ZNF774: variants seen among roughly 807,000 people sequenced by gnomAD.
ZNF774 encodes the protein zinc finger protein 774.
Under a neutral mutation model 11.1 loss-of-function variants are expected in ZNF774, and 14 were observed. The ratio of observed to expected loss-of-function variants is 1.26; its 90% CI spans 0.83 to 1.97. The LOEUF (loss-of-function observed/expected upper bound fraction) is 1.97, where lower values mean the gene tolerates loss of function less well. ZNF774 is among the 30% of genes most tolerant of loss of function. The probability of loss-of-function intolerance (pLI) is 0.00; values close to 1 mark genes in which losing one functional copy is unlikely to be tolerated. For synonymous variants in ZNF774, 195 were observed against 212.6 expected, an observed-to-expected ratio of 0.92 and a Z score of 0.72; for missense variants, 599 against 587.0, an observed-to-expected ratio of 1.02 and a Z score of -0.21.
intron 1 of ZNF774, among the ~76,000 whole-genome samples, chr15:90,353,713 A>G (rs967661984): frequency 1.4e-4 from 22 of 151,796 alleles, no homozygotes; most frequent in African/African-American, 5.1e-4. Flanking sequence ...CTCCCACTTC[A>G]GCCTCCTGAG....
chr15:90,352,767 C>T (rs1344931778), intron 1 of ZNF774, among the ~76,000 whole-genome samples: 1 of 151,732 alleles, frequency 6.6e-6, no homozygotes, highest in Admixed American at 6.6e-5. Context: ...CGCACTGGAG[C>T]TTCTCACAGT....
chr15:90,353,287 C>T (rs1596227719), intron 1 of ZNF774, among the ~76,000 whole-genome samples: 2 of 152,140 alleles, frequency 1.3e-5, no homozygotes, highest in African/African-American at 4.8e-5. Context: ...ACTCTTATTA[C>T]AATTTTTACT....
intron 2 of ZNF774, among the ~76,000 whole-genome samples, chr15:90,357,955 G>A (rs1002602427): frequency 1.3e-5 from 2 of 151,282 alleles, no homozygotes; most frequent in African/African-American, 2.4e-5. Flanking sequence ...GAGTGCAGTG[G>A]TGTGACCTCG....
At chr15:90,352,447 G>C (rs1022134570) in intron 1 of ZNF774, 36 bp downstream of exon 1, 2 of 152,466 alleles carry the variant, frequency 1.3e-5, no homozygotes, top group East Asian at 1.9e-4. Flanking sequence ...CGGCGGCAGC[G>C]GCGCGCTGCT....
chr15:90,358,832 T>C lies in ZNF774; in HGVS notation c.105-19T>C, dbSNP rs1244487836. Reference sequence around the variant, plus strand: ...GTGATTGGCTCAGACTCACATCCTATGTTTACATTCCTGTGTAGAATTTCC... The same window carrying C: ...GTGATTGGCTCAGACTCACATCCTACGTTTACATTCCTGTGTAGAATTTCC... On this transcript the variant is annotated intron_variant, in intron 2 of 3. Coordinates refer to ENST00000354377, the MANE Select transcript of ZNF774 (RefSeq NM_001004309.3). 3 of 1,606,660 alleles carry C rather than the reference T, an allele frequency of 1.9e-6. No homozygotes were observed. The highest frequency in any genetic ancestry group is 1.7e-5 in the Admixed American group (1 of 59,826).
rs1169236170 is a variant in ZNF774 at position 90,362,241 on chromosome 15, A to G, written c.*958A>G. ...TGACAAGGCCAAATTATCGTAGAGG[A>G]TGTTTGCGGTCTTGTGACTTGGAGG... On this transcript the variant is annotated 3_prime_UTR_variant, in exon 4 of 4. Coordinates refer to ENST00000354377, the MANE Select transcript of ZNF774 (RefSeq NM_001004309.3). 6.4e-6 allele frequency: 2 copies of G among 312,724 alleles called. No individual in the cohort carries two copies. Among genetic ancestry groups the G allele is most frequent in the African/African-American group, 2.1e-5 (1 of 48,060 alleles). The allele number at this position is 312,724 out of a possible 1,614,324, so 19.4% of individuals were successfully genotyped here.
At position 90,360,743 on chromosome 15, in the gene ZNF774, G is replaced by T; in HGVS notation, c.912G>T (p.Ser304=). 6.2e-7 allele frequency: 1 copy of T among 1,614,082 alleles called. No individual in the cohort carries two copies. Among genetic ancestry groups the T allele is most frequent in the Non-Finnish European group, 8.5e-7 (1 of 1,180,006 alleles). Residue 304 remains serine, a synonymous_variant, in exon 4 of 4, where the codon TCG becomes TCT. Coordinates refer to ENST00000354377, the MANE Select transcript of ZNF774 (RefSeq NM_001004309.3). The part of the protein sequence containing the change: ...NDCGESFSQS[S]DLIKHQRTHT... ...GTGGGGAGAGTTTTAGCCAGAGCTCGGATTTGATTAAGCACCAACGAACCC... is the reference window on the plus strand; with the variant it reads ...GTGGGGAGAGTTTTAGCCAGAGCTCTGATTTGATTAAGCACCAACGAACCC...
Position 90,361,091 on chromosome 15 carries a change from C to T in ZNF774, c.1260C>T (p.Thr420=). The T allele has an allele frequency of 2.5e-6, 4 of 1,614,120 alleles. No homozygotes were observed. Among genetic ancestry groups the T allele is most frequent in the African/African-American group, 2.7e-5 (2 of 75,034 alleles). Residue 420 remains threonine, a synonymous_variant, in exon 4 of 4, where the codon ACC becomes ACT. Transcript: ENST00000354377. ...TCAATCAGAGCTCCCACTTTATTAC[C>T]CATCAGCGAATCCACTTAGGAGACA... is the stretch of plus-strand genomic sequence containing the variant. ...KSFNQSSHFI[T]HQRIHLGDRP...
intron 2 of ZNF774, among the ~76,000 whole-genome samples, chr15:90,356,440 G>T (rs746005540): frequency 6.6e-6 from 1 of 151,996 alleles, no homozygotes; most frequent in African/African-American, 2.4e-5. Context: ...CAAGTGATCC[G>T]CTGGCCTTGG....
intron 2 of ZNF774, among the ~76,000 whole-genome samples, chr15:90,357,038 T>A (rs1194874613): frequency 6.6e-6 from 1 of 152,176 alleles, no homozygotes; most frequent in African/African-American, 2.4e-5. Context: ...TTTATCATTT[T>A]CTTAGAATTC....
chr15:90,361,566 CT>C lies in ZNF774; in HGVS notation c.*287del. On this transcript the variant is annotated 3_prime_UTR_variant, in exon 4 of 4. Coordinates refer to ENST00000354377, the MANE Select transcript of ZNF774 (RefSeq NM_001004309.3). ...GTGGCTCACCCCTGTAATCCCAGCACTTTTGGGAGGCCAAGGTGGGTGGATC... is the reference window on the plus strand; with the variant it reads ...GTGGCTCACCCCTGTAATCCCAGCACTTTGGGAGGCCAAGGTGGGTGGATC... 1.8e-6 allele frequency: 2 copies of C among 1,105,260 alleles called. No homozygotes were observed. The highest frequency in any genetic ancestry group is 2.2e-6 in the Non-Finnish European group (2 of 902,082). The allele number at this position is 1,105,260 out of a possible 1,614,324, so 68.5% of individuals were successfully genotyped here.
chr15:90,361,292 C>T lies in ZNF774; in HGVS notation c.*9C>T. 9 of 1,582,064 alleles carry T rather than the reference C, an allele frequency of 5.7e-6. No individual in the cohort carries two copies. Among genetic ancestry groups the T allele is most frequent in the Non-Finnish European group, 7.7e-6 (9 of 1,163,172 alleles). On this transcript the variant is annotated 3_prime_UTR_variant, in exon 4 of 4. Transcript: ENST00000354377. ...ACACCCATTTGATTTAGGAAGTAGT[C>T]TTTGGTGTTCAGCTGCTCCCTTGCA...
chr15:90,362,380 C>T lies in ZNF774; in HGVS notation c.*1097C>T. ...CCTACAATGAACAAGCCAGAGGGACCTGGTAGAGGACTATAAAATTGTGGA... is the reference window on the plus strand; with the variant it reads ...CCTACAATGAACAAGCCAGAGGGACTTGGTAGAGGACTATAAAATTGTGGA... On this transcript the variant is annotated 3_prime_UTR_variant, in exon 4 of 4. Coordinates refer to ENST00000354377, the MANE Select transcript of ZNF774 (RefSeq NM_001004309.3). The T allele has an allele frequency of 1.6e-6, 1 of 623,678 alleles. No individual in the cohort carries two copies. The highest frequency in any genetic ancestry group is 1.9e-5 in the South Asian group (1 of 51,740). The allele number at this position is 623,678 out of a possible 1,614,324, so 38.6% of individuals were successfully genotyped here.
chr15:90,358,800 G>C (rs1555431876), intron 2 of ZNF774, 51 bp from the exon 3 acceptor site: 2 of 1,526,672 alleles, frequency 1.3e-6, no homozygotes, highest in Non-Finnish European at 1.8e-6. Flanking sequence ...TTTTGCTCAG[G>C]CCTTGTGTGA....
chr15:90,361,315 G>C lies in ZNF774; in HGVS notation c.*32G>C. 1 of 1,545,870 alleles carries C rather than the reference G, an allele frequency of 6.5e-7. No individual in the cohort carries two copies. Among genetic ancestry groups the C allele is most frequent in the Non-Finnish European group, 8.7e-7 (1 of 1,148,950 alleles). On this transcript the variant is annotated 3_prime_UTR_variant, in exon 4 of 4. Transcript: ENST00000354377. ...GTCTTTGGTGTTCAGCTGCTCCCTT[G>C]CACATTTTCATTGCTACTGTCTTCA... is the stretch of plus-strand genomic sequence containing the variant.
Position 90,361,122 on chromosome 15 carries a change from T to A in ZNF774, c.1291T>A (p.Tyr431Asn). The change falls in exon 4 of 4, where the codon TAT becomes AAT. Residue 431 changes from tyrosine to asparagine, a missense_variant. Physicochemically the swap from Tyr to Asn is moderately radical, Grantham distance 143 (BLOSUM62 -2). Coordinates refer to ENST00000354377, the MANE Select transcript of ZNF774 (RefSeq NM_001004309.3). ...HQRIHLGDRP[Y>N]RCPECGKTFN... ...GCGAATCCACTTAGGAGACAGGCCC[T>A]ATCGATGTCCTGAGTGTGGCAAGAC... The A allele has an allele frequency of 6.2e-7, 1 of 1,614,188 alleles. No homozygotes were observed. The highest frequency in any genetic ancestry group is 8.5e-7 in the Non-Finnish European group (1 of 1,180,036).
At chr15:90,354,603 T>C in intron 1 of ZNF774, 39 bp from the exon 2 acceptor site, 1 of 1,362,042 alleles carries the variant, frequency 7.3e-7, no homozygotes, top group East Asian at 2.4e-5. Flanking sequence ...TGAGAATATC[T>C]AGGGAGCTAC....
At position 90,362,711 on chromosome 15, in the gene ZNF774, T is replaced by G; in HGVS notation, c.*1428T>G. On this transcript the variant is annotated 3_prime_UTR_variant, in exon 4 of 4. Transcript: ENST00000354377. ...TTTCATCTTCTCCCAGCCTCAAGTT[T>G]TACCTACCTCACAAGGTTGTTGTGA... is the stretch of plus-strand genomic sequence containing the variant. 1.3e-6 allele frequency: 1 copy of G among 778,982 alleles called. No homozygotes were observed. The highest frequency in any genetic ancestry group is 1.5e-5 in the South Asian group (1 of 65,864). 48.3% of individuals were successfully genotyped at this position (778,982 alleles called of 1,614,324 possible).
Position 90,361,079 on chromosome 15 carries a change from C to G in ZNF774, c.1248C>G (p.Ser416=). 1.2e-6 allele frequency: 2 copies of G among 1,614,102 alleles called. No individual in the cohort carries two copies. The highest frequency in any genetic ancestry group is 1.7e-6 in the Non-Finnish European group (2 of 1,179,998). ...GTGGGAAGAGCTTCAATCAGAGCTC[C>G]CACTTTATTACCCATCAGCGAATCC... ...GECGKSFNQS[S]HFITHQRIHL... Residue 416 remains serine (S), a synonymous_variant, in exon 4 of 4, where the codon TCC becomes TCG. Transcript: ENST00000354377.
Sources: allele counts gnomAD v4.1 joint callset (sites outside exome capture counted in the v4.1 genomes callset), GRCh38; gene constraint gnomAD v4.1.1; transcripts MANE v1.5; gene names NCBI Gene and HGNC (gene_info 2026-07-23, HGNC 2026-07-21).